SLIT3: variants seen among roughly 807,000 people sequenced by gnomAD.
SLIT3 encodes slit guidance ligand 3, also known as slit homolog 3 protein.
SLIT3 carries 68 observed loss-of-function variants against 184.0 expected under a neutral mutation model. The ratio of observed to expected loss-of-function variants is 0.37; its 90% CI spans 0.30 to 0.45. The LOEUF is 0.45. SLIT3 is among the 20% of genes least tolerant of loss of function. The probability of loss-of-function intolerance (pLI) is 1.00; values close to 1 mark genes in which losing one functional copy is unlikely to be tolerated. For synonymous variants in SLIT3, 831 were observed against 828.6 expected, an observed-to-expected ratio of 1.00 and a Z score of -0.05; for missense variants, 1,707 against 2,026.0, an observed-to-expected ratio of 0.84 and a Z score of 3.02.
chr5:169,193,382 C>G (rs1763622534), intron 4 of SLIT3, 97 bp downstream of exon 4: 1 of 1,008,572 alleles, frequency 9.9e-7, no homozygotes, highest in South Asian at 1.3e-5. Flanking sequence ...GCCTAACTGC[C>G]AAGCTCCACA....
chr5:168,684,000 C>T lies in SLIT3; in HGVS notation c.3652G>A (p.Asp1218Asn). The change falls in exon 32 of 36, where the codon GAC (aspartate) becomes AAC (asparagine). Residue 1218 changes from aspartate to asparagine, a missense_variant. By Grantham distance (23) the Asp-to-Asn change is conservative (BLOSUM62 1). This residue lies in a region of SLIT3 where 387 missense variants were observed against 477.9 expected (regional missense o/e 0.81). Coordinates refer to ENST00000519560, the MANE Select transcript of SLIT3 (RefSeq NM_003062.4). ...LYQGHVRLVY[D>N]SLSSPPTTVY... ...GTGGTTGGAGGGGAACTCAGGCTGT[C>T]ATAGACCAGCCGCACGTGGCCCTGG... is the stretch of plus-strand genomic sequence containing the variant. 1 of 1,604,032 alleles carries T rather than the reference C, an allele frequency of 6.2e-7. No homozygotes were observed. The highest frequency in any genetic ancestry group is 1.3e-5 in the African/African-American group (1 of 74,560).
At chr5:169,298,598 C>T (rs907202271) in intron 1 of SLIT3, among the ~76,000 whole-genome samples, 1 of 152,182 alleles carries the variant, frequency 6.6e-6, no homozygotes, top group Non-Finnish European at 1.5e-5. Context: ...GCAGAAGCAA[C>T]AGCAGCCTAT....
chr5:169,247,325 T>C (rs1765627500), intron 2 of SLIT3, among the ~76,000 whole-genome samples: 3 of 152,080 alleles, frequency 2.0e-5, no homozygotes, highest in African/African-American at 7.2e-5. Context: ...TCACGCTAAA[T>C]AGGGTCCCAC....
At chr5:169,163,208 C>T (rs1464283896) in intron 4 of SLIT3, among the ~76,000 whole-genome samples, 2 of 152,084 alleles carry the variant, frequency 1.3e-5, no homozygotes, top group Non-Finnish European at 2.9e-5. Flanking sequence ...GTAATCCCAG[C>T]TACTCAGGAG....
chr5:169,099,165 A>G (rs1759910345), intron 4 of SLIT3, among the ~76,000 whole-genome samples: 1 of 151,752 alleles, frequency 6.6e-6, no homozygotes, highest in Non-Finnish European at 1.5e-5. Context: ...TTGTTTCTGG[A>G]GGGATAAAAC....
In SLIT3 at chr5:168,918,324, G is replaced by A. The variant is rs80349192; in HGVS notation, c.414-34988C>T. Among the ~76,000 whole-genome samples, 12 of 152,266 alleles carry A rather than the reference G, an allele frequency of 7.9e-5. No homozygotes were observed. The East Asian group carries it at 2.1e-3, about 27-fold the overall frequency. ...TCATAGCAGGAGAAATTTCAACTGC[G>A]CACTGCATTCATCTTACATATATAT... is the stretch of plus-strand genomic sequence containing the variant. On this transcript the variant is annotated intron_variant, in intron 4 of 35. Transcript: ENST00000519560.
intron 4 of SLIT3, among the ~76,000 whole-genome samples, chr5:169,124,906 G>T (rs1034684950): frequency 6.6e-6 from 1 of 152,074 alleles, no homozygotes; most frequent in African/African-American, 2.4e-5. Context: ...GCATCCCCTT[G>T]TAACAGAAAT....
chr5:169,223,058 T>C (rs1764669796), intron 3 of SLIT3, among the ~76,000 whole-genome samples: 2 of 152,208 alleles, frequency 1.3e-5, no homozygotes, highest in South Asian at 4.1e-4. Context: ...GCATGGGTTA[T>C]TAAAGGCAAC....
chr5:168,856,809 G>GCGCA (rs1554149490), intron 5 of SLIT3, among the ~76,000 whole-genome samples: 16 of 145,522 alleles, frequency 1.1e-4, no homozygotes, highest in South Asian at 9.1e-4. Context: ...GTGTGTGTGC[G>GCGCA]CGCGCGCGCA....
At chr5:168,808,368 T>C (rs1757048401) in intron 8 of SLIT3, among the ~76,000 whole-genome samples, 1 of 152,128 alleles carries the variant, frequency 6.6e-6, no homozygotes, top group Non-Finnish European at 1.5e-5. Context: ...TGGGTCCTAC[T>C]GCCTCTATCT....
chr5:168,743,493 T>G (rs1050998618), intron 20 of SLIT3, among the ~76,000 whole-genome samples: 1 of 152,192 alleles, frequency 6.6e-6, no homozygotes, highest in Non-Finnish European at 1.5e-5. Flanking sequence ...TTGATAAATG[T>G]TGTGTGTGCT....
intron 23 of SLIT3, 104 bp downstream of exon 23, chr5:168,722,152 G>T: frequency 1.0e-6 from 1 of 968,890 alleles, no homozygotes; most frequent in South Asian, 1.4e-5. Flanking sequence ...GTGTTTGGGG[G>T]TGGAGTGGGC....
Position 168,684,044 on chromosome 5 carries a change from G to A in SLIT3, c.3608C>T (p.Pro1203Leu). Reference protein sequence around the residue: ...GILLYKGDNDPLALELYQGHV... With the variant: ...GILLYKGDNDLLALELYQGHV... ...GCCCTGGTACAGCTCCAGTGCCAGG[G>A]GGTCATTGTCTCCTTTGTAGAGAAG... is the stretch of plus-strand genomic sequence containing the variant. Residue 1203 changes from proline to leucine, a missense_variant, in exon 32 of 36, where the codon CCC becomes CTC. Coordinates refer to ENST00000519560, the MANE Select transcript of SLIT3 (RefSeq NM_003062.4). The A allele has an allele frequency of 3.1e-6, 5 of 1,607,838 alleles. No individual in the cohort carries two copies. Among genetic ancestry groups the A allele is most frequent in the Non-Finnish European group, 4.2e-6 (5 of 1,176,904 alleles).
At chr5:169,082,236 A>C (rs1759096205) in intron 4 of SLIT3, among the ~76,000 whole-genome samples, 1 of 152,196 alleles carries the variant, frequency 6.6e-6, no homozygotes, top group African/African-American at 2.4e-5. Context: ...CCAAGTCTAA[A>C]GCCTTCAACT....
At chr5:168,981,113 T>C (rs966748218) in intron 4 of SLIT3, among the ~76,000 whole-genome samples, 1 of 152,254 alleles carries the variant, frequency 6.6e-6, no homozygotes, top group Non-Finnish European at 1.5e-5. Context: ...AACATTCACA[T>C]GCAAGGCGCT....
intron 3 of SLIT3, among the ~76,000 whole-genome samples, chr5:169,226,494 AT>A (rs774725386): frequency 6.6e-5 from 10 of 152,114 alleles, no homozygotes; most frequent in Admixed American, 1.3e-4. Flanking sequence ...GCAGTCTCTG[AT>A]CTTCGGGACT....
chr5:168,755,395 T>C (rs1255782034), intron 16 of SLIT3, among the ~76,000 whole-genome samples: 6 of 14,006 alleles, frequency 4.3e-4, no homozygotes, highest in East Asian at 2.4e-3. Context: ...CGCCATTTCT[T>C]TCTTTCTTTC....
intron 11 of SLIT3, among the ~76,000 whole-genome samples, chr5:168,789,221 C>T (rs1292818217): frequency 2.2e-5 from 3 of 134,660 alleles, no homozygotes; most frequent in African/African-American, 5.6e-5. Context: ...TCTCTCCTTA[C>T]ACCAGAAAGA....
intron 4 of SLIT3, among the ~76,000 whole-genome samples, chr5:169,138,441 C>A (rs772237100): frequency 7.9e-5 from 12 of 152,158 alleles, no homozygotes; most frequent in Non-Finnish European, 1.8e-4. Flanking sequence ...CCCCTGTCTT[C>A]TCCTGCTGCC....
Sources: allele counts gnomAD v4.1 joint callset (sites outside exome capture counted in the v4.1 genomes callset), GRCh38; gene constraint gnomAD v4.1.1; regional missense constraint gnomAD v4.1.1; transcripts MANE v1.5; gene names NCBI Gene and HGNC (gene_info 2026-07-23, HGNC 2026-07-21).